Variants in DOCK1 observed in about 807,000 individuals in gnomAD.
DOCK1 encodes dedicator of cytokinesis 1.
DOCK1 carries 138 observed loss-of-function variants against 262.7 expected under a neutral mutation model. That is an observed-to-expected ratio of 0.53 (90% CI 0.46 to 0.61). The LOEUF is 0.61. Ranked by LOEUF, DOCK1 falls within the 20% of genes least tolerant of loss-of-function variation. DOCK1 has a pLI of 0.00. For synonymous variants in DOCK1, 866 were observed against 867.4 expected (o/e 1.00, Z 0.03); for missense variants, 1,908 against 2,370.7 (o/e 0.80, Z 4.05).
intron 29 of DOCK1, among the ~76,000 whole-genome samples, chr10:127,321,508 T>C (rs1374762591): frequency 6.6e-6 from 1 of 151,634 alleles, no homozygotes; most frequent in Admixed American, 6.6e-5. Flanking sequence ...TGGACTGAGA[T>C]TGAGTACAAA....
In DOCK1 at chr10:127,433,395, C is replaced by T. The variant is rs368031419; in HGVS notation, c.5027C>T (p.Ser1676Leu). 35 of 1,613,882 alleles carry T rather than the reference C, an allele frequency of 2.2e-5. No individual in the cohort carries two copies. Among genetic ancestry groups the T allele is most frequent in the Non-Finnish European group, 2.5e-5 (29 of 1,179,904 alleles). The part of the protein sequence containing the change: ...LSVASVSSLS[S>L]DSTPSRPGSD... ...GTGGCCTCTGTCTCTTCCCTCTCAT[C>T]GGACAGCACCCCTTCCAGACCAGGC... Residue 1676 changes from serine to leucine, a missense_variant, in exon 48 of 52, where the codon TCG becomes TTG. Ser to Leu is a moderately radical substitution (Grantham distance 145, BLOSUM62 -2). Transcript: ENST00000623213.
In DOCK1 at chr10:126,998,068, C is replaced by T. The variant is rs1410790231; in HGVS notation, c.610-24C>T. On this transcript the variant is annotated intron_variant, in intron 7 of 51. Coordinates refer to ENST00000623213, the MANE Select transcript of DOCK1 (RefSeq NM_001290223.2). Reference sequence around the variant, plus strand: ...CAGTGATGAGTGTTGCTGGGGTTGACTTTCTGTTTCCTTCCATACACAGTC... The same window carrying T: ...CAGTGATGAGTGTTGCTGGGGTTGATTTTCTGTTTCCTTCCATACACAGTC... The T allele has an allele frequency of 2.5e-6, 4 of 1,613,030 alleles. No homozygotes were observed. In the African/African-American group the frequency reaches 4.0e-5, roughly 16 times the overall value.
intron 39 of DOCK1, among the ~76,000 whole-genome samples, chr10:127,404,079 G>C (rs990131850): frequency 6.6e-6 from 1 of 152,146 alleles, no homozygotes; most frequent in Non-Finnish European, 1.5e-5. Flanking sequence ...TGCTGAATTT[G>C]GGCTAGTTGG....
intron 33 of DOCK1, among the ~76,000 whole-genome samples, chr10:127,369,091 G>A (rs897135745): frequency 2.0e-5 from 3 of 152,132 alleles, no homozygotes; most frequent in South Asian, 2.1e-4. Flanking sequence ...CAGTGTTGCC[G>A]AGCTCCTGTT....
chr10:127,000,471 T>G (rs1285429521), intron 10 of DOCK1, 164 bp downstream of exon 10: 2 of 1,085,308 alleles, frequency 1.8e-6, no homozygotes, highest in Non-Finnish European at 2.5e-6. Flanking sequence ...TGGCTTCAAG[T>G]TGACCTGCTA....
intron 1 of DOCK1, among the ~76,000 whole-genome samples, chr10:126,920,746 A>T (rs2134099219): frequency 1.3e-5 from 2 of 152,348 alleles, no homozygotes; most frequent in East Asian, 3.9e-4. Flanking sequence ...TAGAACTACC[A>T]TCTGACCCAG....
chr10:127,430,750 T>G (rs1276679953), intron 47 of DOCK1, among the ~76,000 whole-genome samples: 1 of 152,144 alleles, frequency 6.6e-6, no homozygotes, highest in Non-Finnish European at 1.5e-5. Flanking sequence ...TACCCTTCCT[T>G]GTACAGCACT....
At chr10:127,054,150 G>A (rs902023490) in intron 22 of DOCK1, among the ~76,000 whole-genome samples, 8 of 152,140 alleles carry the variant, frequency 5.3e-5, no homozygotes, top group Admixed American at 1.3e-4. Flanking sequence ...TGAAGCAGTC[G>A]TGTCCAGAAG....
At chr10:127,407,117 A>G (rs79857569) in intron 40 of DOCK1, among the ~76,000 whole-genome samples, 5 of 152,162 alleles carry the variant, frequency 3.3e-5, no homozygotes, top group African/African-American at 7.2e-5. Flanking sequence ...AAAGAATTCA[A>G]TTCTTAAACT....
At chr10:126,916,242 G>A (rs1484416455) in intron 1 of DOCK1, among the ~76,000 whole-genome samples, 2 of 152,192 alleles carry the variant, frequency 1.3e-5, no homozygotes, top group Non-Finnish European at 2.9e-5. Context: ...GTGTGGAAGA[G>A]CTTTGAGAAG....
chr10:127,175,061 C>T lies in DOCK1; in HGVS notation c.2847+47297C>T, dbSNP rs535708958. 1.2e-5 allele frequency: 8 copies of T among 666,378 alleles called. No homozygotes were observed. In the East Asian group the frequency reaches 1.3e-4, roughly 11 times the overall value. 41.3% of individuals were successfully genotyped at this position (666,378 alleles called of 1,614,324 possible). On this transcript the variant is annotated intron_variant, in intron 27 of 51. Transcript: ENST00000623213. This position sits in a 1 kb window ranked among gnomAD's most constrained non-coding sequence, Gnocchi z 6.3. ...ACGTCTAGTATCATAAAATAATCTG[C>T]GACCCCTTGGAGCTCGCCACGCCCT...
intron 23 of DOCK1, among the ~76,000 whole-genome samples, chr10:127,066,089 T>C (rs956002218): frequency 6.6e-6 from 1 of 152,064 alleles, no homozygotes; most frequent in African/African-American, 2.4e-5. Flanking sequence ...TCTGGATTCT[T>C]CTTTGCCCTC....
intron 3 of DOCK1, among the ~76,000 whole-genome samples, chr10:126,979,332 G>C (rs1390359513): frequency 6.6e-6 from 1 of 152,082 alleles, no homozygotes; most frequent in East Asian, 1.9e-4. Context: ...ACCAGCCTCT[G>C]CTGGTCATAA....
chr10:127,026,084 G>T (rs12414692), intron 15 of DOCK1: 21,986 of 272,942 alleles, frequency 0.081, 1,126 homozygotes, highest in East Asian at 0.18. Flanking sequence ...AAAGAAAAAA[G>T]AATCTTAACA....
chr10:126,934,831 A>T (rs1051384787), intron 1 of DOCK1, among the ~76,000 whole-genome samples: 2 of 151,112 alleles, frequency 1.3e-5, no homozygotes, highest in Non-Finnish European at 2.9e-5. Context: ...AAAGTATAAA[A>T]CTAGGCCGGG....
intron 5 of DOCK1, among the ~76,000 whole-genome samples, chr10:126,988,631 TAGTC>T (rs2039577569): frequency 6.6e-6 from 1 of 152,232 alleles, no homozygotes; most frequent in Non-Finnish European, 1.5e-5. Flanking sequence ...TTGATGCTCA[TAGTC>T]AGTGGACCTA....
intron 27 of DOCK1, among the ~76,000 whole-genome samples, chr10:127,144,649 A>C (rs1476387446): frequency 6.6e-6 from 1 of 152,212 alleles, no homozygotes; most frequent in Non-Finnish European, 1.5e-5. Context: ...AATTTGTTAT[A>C]TACTATTTCT....
chr10:127,289,658 A>T (rs187124344), intron 29 of DOCK1, among the ~76,000 whole-genome samples: 1 of 152,264 alleles, frequency 6.6e-6, no homozygotes, highest in Admixed American at 6.5e-5. Context: ...AAAATTTATC[A>T]CATGAGAAAT....
At chr10:127,061,900 G>T in intron 23 of DOCK1, 124 bp downstream of exon 23, 1 of 488,716 alleles carries the variant, frequency 2.0e-6, no homozygotes, top group Non-Finnish European at 3.5e-6. Flanking sequence ...GTTAATGTCA[G>T]AGATCTCAAT....
Sources: gnomAD v4.1 joint callset for allele counts (sites outside exome capture counted in the v4.1 genomes callset) on GRCh38, gnomAD v4.1.1 for gene constraint, Gnocchi (gnomAD v3.1) non-coding constraint, MANE v1.5 for transcripts, NCBI Gene and HGNC (gene_info 2026-07-23, HGNC 2026-07-21) for gene names.